LINGO2: variants seen among roughly 807,000 people sequenced by gnomAD.
The protein encoded by LINGO2 is leucine rich repeat and Ig domain containing 2.
In LINGO2, 14 loss-of-function variants were observed where a neutral mutation model predicts 30.6. The observed-to-expected ratio is 0.46, with a 90% CI of 0.30 to 0.72. LINGO2 has a LOEUF of 0.72. LINGO2 is among the 30% of genes least tolerant of loss of function. LINGO2 has a pLI of 0.07. For missense variants in LINGO2, 729 were observed against 751.7 expected (o/e 0.97, Z 0.35); for synonymous variants, 317 against 288.5 (o/e 1.10, Z -1.00).
chr9:28,152,720 G>C (rs1015444609), intron 4 of LINGO2, among the ~76,000 whole-genome samples: 4 of 152,092 alleles, frequency 2.6e-5, no homozygotes, highest in Admixed American at 2.6e-4. Flanking sequence ...TCAAAATTCA[G>C]AGTGGATCAA....
intron 3 of LINGO2, among the ~76,000 whole-genome samples, chr9:28,334,485 T>A (rs1587484537): frequency 6.6e-6 from 1 of 152,208 alleles, no homozygotes; most frequent in Non-Finnish European, 1.5e-5. Flanking sequence ...TTTAACTCTG[T>A]GACTGCTTTT....
chr9:27,985,628 G>A (rs961848677), intron 5 of LINGO2, among the ~76,000 whole-genome samples: 1 of 145,016 alleles, frequency 6.9e-6, no homozygotes, highest in Non-Finnish European at 1.5e-5. Flanking sequence ...TACAGTAGGT[G>A]GTAAATGTTT....
chr9:28,418,069 C>T (rs1823039745), intron 2 of LINGO2, among the ~76,000 whole-genome samples: 1 of 152,038 alleles, frequency 6.6e-6, no homozygotes, highest in South Asian at 2.1e-4. Flanking sequence ...TTTTTTCCCC[C>T]AGTGGATAAC....
chr9:28,322,186 C>G (rs1006781059), intron 3 of LINGO2, among the ~76,000 whole-genome samples: 1 of 152,148 alleles, frequency 6.6e-6, no homozygotes. Context: ...CCAACTGTCC[C>G]TTTTGCCTGG....
At chr9:28,457,969 A>T (rs986819157) in intron 2 of LINGO2, among the ~76,000 whole-genome samples, 10 of 152,218 alleles carry the variant, frequency 6.6e-5, no homozygotes, top group African/African-American at 1.9e-4. Context: ...CTGGAAAGTG[A>T]ATCTCAATGA....
At chr9:29,100,670 T>C in the LINGO2 span, among the ~76,000 whole-genome samples, 958 of 151,878 alleles carry the variant, frequency 6.3e-3, 14 homozygotes, top group African/African-American at 0.022. Context: ...AGGGTGACCA[T>C]GGTATAAAAA....
At chr9:28,333,777 C>G (rs17766008) in intron 3 of LINGO2, among the ~76,000 whole-genome samples, 27,023 of 152,074 alleles carry the variant, frequency 0.18, 3,041 homozygotes, top group Non-Finnish European at 0.25. Flanking sequence ...GTAAGATATT[C>G]GAACGGGGTA....
At chr9:28,838,953 T>C in the LINGO2 span, among the ~76,000 whole-genome samples, 1 of 152,298 alleles carries the variant, frequency 6.6e-6, no homozygotes, top group African/African-American at 2.4e-5. Context: ...GGCACCAGCA[T>C]GGGTGCCAGC....
chr9:28,231,604 C>A (rs1821358192), intron 4 of LINGO2, among the ~76,000 whole-genome samples: 1 of 152,094 alleles, frequency 6.6e-6, no homozygotes, highest in African/African-American at 2.4e-5. Flanking sequence ...AGTTTTAAGA[C>A]ATCTGACACT....
At chr9:28,951,061 A>C in the LINGO2 span, among the ~76,000 whole-genome samples, 1 of 152,192 alleles carries the variant, frequency 6.6e-6, no homozygotes, top group Admixed American at 6.5e-5. Flanking sequence ...CCAATGAAAC[A>C]TAACAGAGAC....
the LINGO2 span, among the ~76,000 whole-genome samples, chr9:29,155,421 A>G: frequency 1.3e-5 from 2 of 152,070 alleles, no homozygotes; most frequent in Non-Finnish European, 2.9e-5. Flanking sequence ...CCTATGTGAT[A>G]TTGTTGCTAA....
At chr9:28,957,933 C>A in the LINGO2 span, among the ~76,000 whole-genome samples, 1 of 152,260 alleles carries the variant, frequency 6.6e-6, no homozygotes, top group East Asian at 1.9e-4. Context: ...TATAATAAGT[C>A]TATGAGGTTG....
In LINGO2 at chr9:28,174,898, C is replaced by CTGTGTGTG. The variant is rs66472807; in HGVS notation, c.-87+120302_-87+120309dup. Among the ~76,000 whole-genome samples, 684 of 141,006 alleles carry CTGTGTGTG rather than the reference C, an allele frequency of 4.9e-3. 3 individuals carry two copies. The highest frequency in any genetic ancestry group is 0.014 in the Middle Eastern group (4 of 282). 92.5% of individuals were successfully genotyped at this position (141,006 alleles called of 152,430 possible). A position where few individuals can be genotyped will look rare whatever the true frequency, so the allele number is the denominator to read the frequency against. ...AGAGAGAGAAAGAGAATTTGTGTCT[C>CTGTGTGTG]TGTGTGTGTGTGTGTGTGTGTGTGA... On this transcript the variant is annotated intron_variant, in intron 4 of 5. Coordinates refer to ENST00000379992, the Ensembl canonical transcript of LINGO2.
intron 4 of LINGO2, among the ~76,000 whole-genome samples, chr9:28,061,991 T>C (rs991962144): frequency 1.3e-5 from 2 of 152,126 alleles, no homozygotes; most frequent in Admixed American, 6.6e-5. Flanking sequence ...TAGTTTTCAG[T>C]GGGAATAAAT....
intron 1 of LINGO2, among the ~76,000 whole-genome samples, chr9:28,484,441 T>C (rs966867143): frequency 2.0e-5 from 3 of 152,086 alleles, no homozygotes; most frequent in Non-Finnish European, 4.4e-5. Flanking sequence ...GAGGCAGCTC[T>C]TCAAGTAATT....
chr9:28,997,218 C>A, the LINGO2 span, among the ~76,000 whole-genome samples: 1 of 151,670 alleles, frequency 6.6e-6, no homozygotes, highest in African/African-American at 2.4e-5. Flanking sequence ...TGCTTGAGGC[C>A]AGGAGTTCAA....
chr9:28,836,048 A>T, the LINGO2 span, among the ~76,000 whole-genome samples: 1 of 152,226 alleles, frequency 6.6e-6, no homozygotes, highest in Non-Finnish European at 1.5e-5. Context: ...ATGAACAGGT[A>T]TGCTGGATAA....
At chr9:29,018,272 TAACAGAGC>T in the LINGO2 span, among the ~76,000 whole-genome samples, 5 of 151,326 alleles carry the variant, frequency 3.3e-5, no homozygotes, top group African/African-American at 1.2e-4. Context: ...AAGATTAAAA[TAACAGAGC>T]AACAGAGACT....
At chr9:28,910,813 T>C in the LINGO2 span, among the ~76,000 whole-genome samples, 1 of 151,990 alleles carries the variant, frequency 6.6e-6, no homozygotes, top group African/African-American at 2.4e-5. Context: ...AGTATGAGAA[T>C]GAACTAATAT....
Sources: allele counts gnomAD v4.1 joint callset (sites outside exome capture counted in the v4.1 genomes callset), GRCh38; gene constraint gnomAD v4.1.1; transcripts MANE v1.5; gene names NCBI Gene and HGNC (gene_info 2026-07-23, HGNC 2026-07-21).